ITGA11: variants seen among roughly 807,000 people sequenced by gnomAD.
ITGA11 encodes integrin alpha-11.
A neutral mutation model predicts 141.9 loss-of-function variants in ITGA11; 97 were observed. That is an observed-to-expected ratio of 0.68 (90% CI 0.58 to 0.81). The LOEUF (loss-of-function observed/expected upper bound fraction) is 0.81. Ranked by LOEUF, ITGA11 falls within the 30% of genes least tolerant of loss-of-function variation. ITGA11 has a pLI of 0.00. For synonymous variants in ITGA11, 658 were observed against 624.6 expected, an observed-to-expected ratio of 1.05 and a Z score of -0.80; for missense variants, 1,387 against 1,559.2, an observed-to-expected ratio of 0.89 and a Z score of 1.86.
At chr15:68,367,596 C>A (rs1188560822) in intron 3 of ITGA11, among the ~76,000 whole-genome samples, 1 of 152,190 alleles carries the variant, frequency 6.6e-6, no homozygotes, top group Admixed American at 6.5e-5. Flanking sequence ...CAGCATTGAT[C>A]CCTGCCTAAA....
chr15:68,311,383 G>A lies in ITGA11; in HGVS notation c.2994C>T (p.Phe998=), dbSNP rs751544785. The part of the protein sequence containing the change: ...CIFRIQNLGL[F]PIHGMMMKIT... Reference sequence around the variant, plus strand: ...TCTTCATCATCATCCCGTGGATGGGGAACAAGCCCAAGTTCTGGATCTGTG... The same window carrying A: ...TCTTCATCATCATCCCGTGGATGGGAAACAAGCCCAAGTTCTGGATCTGTG... Residue 998 remains phenylalanine, a synonymous_variant, in exon 25 of 30, where the codon TTC becomes TTT. Coordinates refer to ENST00000315757, the MANE Select transcript of ITGA11 (RefSeq NM_001004439.2). 15 of 1,565,900 alleles carry A rather than the reference G, an allele frequency of 9.6e-6. No homozygotes were observed. The highest frequency in any genetic ancestry group is 1.2e-5 in the Non-Finnish European group (14 of 1,154,068).
At chr15:68,315,799 A>C in intron 21 of ITGA11, 72 bp from the exon 22 acceptor site, 8 of 1,238,758 alleles carry the variant, frequency 6.5e-6, no homozygotes, top group Non-Finnish European at 9.0e-6. Context: ...CCCACTCCCC[A>C]CAGCCCCCTG....
intron 1 of ITGA11, among the ~76,000 whole-genome samples, chr15:68,417,877 C>T (rs999489418): frequency 1.3e-5 from 2 of 152,182 alleles, no homozygotes; most frequent in African/African-American, 4.8e-5. Flanking sequence ...TGTTCTTCTC[C>T]CTCACAACAT....
chr15:68,334,934 G>T (rs1894297591), intron 12 of ITGA11, among the ~76,000 whole-genome samples: 1 of 152,174 alleles, frequency 6.6e-6, no homozygotes, highest in Non-Finnish European at 1.5e-5. Context: ...ACAGGAGGAG[G>T]AATGGCAGGA....
At chr15:68,407,408 TGTCAGTCAA>T (rs1449250526) in intron 1 of ITGA11, among the ~76,000 whole-genome samples, 1 of 152,208 alleles carries the variant, frequency 6.6e-6, no homozygotes, top group Non-Finnish European at 1.5e-5. Context: ...CTAAAAATGA[TGTCAGTCAA>T]GTCCATCTCT....
At chr15:68,421,985 G>C (rs974975857) in intron 1 of ITGA11, among the ~76,000 whole-genome samples, 41 of 152,284 alleles carry the variant, frequency 2.7e-4, no homozygotes, top group African/African-American at 8.9e-4. Flanking sequence ...TTTGGCTTGT[G>C]GTCTGGCCTG....
intron 1 of ITGA11, among the ~76,000 whole-genome samples, chr15:68,421,247 G>A (rs956774025): frequency 6.6e-6 from 1 of 152,172 alleles, no homozygotes. Flanking sequence ...AGGTTCTTGG[G>A]GAAGAGCATT....
chr15:68,412,453 C>T (rs62001432), intron 1 of ITGA11, among the ~76,000 whole-genome samples: 20,767 of 151,944 alleles, frequency 0.14, 1,801 homozygotes, highest in Middle Eastern at 0.2. Context: ...GAATGACAGA[C>T]GCAGACCCAC....
In ITGA11 at chr15:68,297,879, A is replaced by G. The variant is rs1046402185; in HGVS notation, c.*5180T>C. 6 of 152,180 alleles carry G rather than the reference A, an allele frequency of 3.9e-5. No individual in the cohort carries two copies. Among genetic ancestry groups the G allele is most frequent in the Non-Finnish European group, 8.8e-5 (6 of 68,046 alleles). 9.4% of individuals were successfully genotyped at this position (152,180 alleles called of 1,614,324 possible). The stretch of plus-strand genomic sequence containing the variant: ...ACCCTCTCATTTTATAGTTCAGGAC[A>G]CAAGCCCAGAAAGGCCACACAAGGA... On this transcript the variant is annotated 3_prime_UTR_variant, in exon 30 of 30. Coordinates refer to ENST00000315757, the MANE Select transcript of ITGA11 (RefSeq NM_001004439.2).
chr15:68,413,931 C>CG (rs1213442319), intron 1 of ITGA11, among the ~76,000 whole-genome samples: 1 of 152,184 alleles, frequency 6.6e-6, no homozygotes, highest in Admixed American at 6.5e-5. Flanking sequence ...CACCATCAAA[C>CG]GTTTGGCATT....
Position 68,351,359 on chromosome 15 carries a change from C to T in ITGA11, c.793G>A (p.Val265Met), listed in dbSNP as rs1178755906. The T allele has an allele frequency of 1.9e-6, 3 of 1,613,992 alleles. No individual in the cohort carries two copies. The highest frequency in any genetic ancestry group is 2.5e-6 in the Non-Finnish European group (3 of 1,179,882). The change falls in exon 8 of 30, where the codon GTG becomes ATG. Residue 265 changes from valine to methionine, a missense_variant. Transcript: ENST00000315757. ...TCCCCATCTGTGATGACAATCATCA[C>T]CTTCTTGGCTCCTTTCCTTCCACCC... ...QKGGRKGAKK[V>M]MIVITDGESH...
chr15:68,355,162 G>A (rs1377163365), intron 7 of ITGA11, among the ~76,000 whole-genome samples: 2 of 152,184 alleles, frequency 1.3e-5, no homozygotes, highest in African/African-American at 2.4e-5. Context: ...GTTATGGGCT[G>A]CCTCCCTTAC....
rs762480298 is a variant in ITGA11 at position 68,310,955 on chromosome 15, AC to A, written c.3174+38del. The A allele has an allele frequency of 1.3e-5, 20 of 1,520,762 alleles. No homozygotes were observed. In the South Asian group the frequency reaches 2.2e-4, roughly 17 times the overall value. 94.2% of individuals were successfully genotyped at this position (1,520,762 alleles called of 1,614,324 possible). A position where few individuals can be genotyped will look rare whatever the true frequency, so the allele number is the denominator to read the frequency against. ...GCAGAGCACCGGCGGCACGCCTCTAACCCCAACCACTGTGGCTCTCGGTCTG... is the reference window on the plus strand; with the variant it reads ...GCAGAGCACCGGCGGCACGCCTCTAACCCAACCACTGTGGCTCTCGGTCTG... On this transcript the variant is annotated intron_variant, in intron 26 of 29. Transcript: ENST00000315757.
Position 68,328,194 on chromosome 15 carries a change from C to T in ITGA11, c.1970G>A (p.Arg657Lys), listed in dbSNP as rs775391710. 2 of 1,613,922 alleles carry T rather than the reference C, an allele frequency of 1.2e-6. No homozygotes were observed. The highest frequency in any genetic ancestry group is 1.7e-6 in the Non-Finnish European group (2 of 1,179,892). The part of the protein sequence containing the change: ...FEPSKINIFH[R>K]DCKRSGRDAT... ...ATCCCTGCCACTGCGCTTGCAGTCT[C>T]TGTGGAAGATGTTGATCTTGGATGG... Residue 657 changes from arginine to lysine, a missense_variant, in exon 16 of 30, where the codon AGA becomes AAA. Coordinates refer to ENST00000315757, the MANE Select transcript of ITGA11 (RefSeq NM_001004439.2). This position sits in a 1 kb window ranked among gnomAD's most constrained non-coding sequence, Gnocchi z 4.8.
At chr15:68,415,037 C>T (rs779304707) in intron 1 of ITGA11, among the ~76,000 whole-genome samples, 22 of 152,156 alleles carry the variant, frequency 1.4e-4, no homozygotes, top group Non-Finnish European at 2.4e-4. Context: ...AAAAGACCCC[C>T]CTGTTTTCTA....
intron 7 of ITGA11, 54 bp downstream of exon 7, chr15:68,357,097 C>T: frequency 1.3e-6 from 2 of 1,543,918 alleles, no homozygotes; most frequent in East Asian, 4.5e-5. Flanking sequence ...CAATAGATAA[C>T]TACAATAGCA....
chr15:68,304,034 G>T lies in ITGA11; in HGVS notation c.3382-149C>A. 1.8e-6 allele frequency: 1 copy of T among 568,600 alleles called. No individual in the cohort carries two copies. The allele number at this position is 568,600 out of a possible 1,614,324, so 35.2% of individuals were successfully genotyped here. The stretch of plus-strand genomic sequence containing the variant: ...GGGATACCAGAGGGATGGGTGGACA[G>T]GCCAGCCAAGGCCTCAGGACGACCA... On this transcript the variant is annotated intron_variant, in intron 28 of 29. Coordinates refer to ENST00000315757, the MANE Select transcript of ITGA11 (RefSeq NM_001004439.2). This position sits in a 1 kb window ranked among gnomAD's most constrained non-coding sequence, Gnocchi z 6.1.
rs538228223 is a variant in ITGA11, at chr15:68,359,674, A to T, written c.473-1089T>A. Among the ~76,000 whole-genome samples the T allele has an allele frequency of 4.8e-3, 680 of 143,142 alleles. 4 individuals are homozygous for T. The highest frequency in any genetic ancestry group is 0.014 in the African/African-American group (571 of 39,966). 93.9% of individuals were successfully genotyped at this position (143,142 alleles called of 152,430 possible). ...AACAAACAAAACAAAACAAACAAATAAAAAAAAAACTAAATTAAAAGGAAT... is the reference window on the plus strand; with the variant it reads ...AACAAACAAAACAAAACAAACAAATTAAAAAAAAACTAAATTAAAAGGAAT... On this transcript the variant is annotated intron_variant, in intron 5 of 29. Coordinates refer to ENST00000315757, the MANE Select transcript of ITGA11 (RefSeq NM_001004439.2).
chr15:68,330,519 A>G (rs2140301553), intron 15 of ITGA11, among the ~76,000 whole-genome samples: 1 of 151,400 alleles, frequency 6.6e-6, no homozygotes, highest in East Asian at 1.9e-4. Context: ...AGCAGCAAAC[A>G]TACGGTAAAA....
Sources: gnomAD v4.1 joint callset for allele counts (sites outside exome capture counted in the v4.1 genomes callset) on GRCh38, gnomAD v4.1.1 for gene constraint, Gnocchi (gnomAD v3.1) non-coding constraint, MANE v1.5 for transcripts, NCBI Gene and HGNC (gene_info 2026-07-23, HGNC 2026-07-21) for gene names.